Variants in ZNF701 observed in about 807,000 individuals in gnomAD.
The protein encoded by ZNF701 is zinc finger protein 701.
In ZNF701, 6 loss-of-function variants were observed where a neutral mutation model predicts 7.1. The ratio of observed to expected loss-of-function variants is 0.84; its 90% CI spans 0.46 to 1.66. The LOEUF (loss-of-function observed/expected upper bound fraction) is 1.66. Among genes scored for constraint, ZNF701 ranks in the 40% most tolerant of loss-of-function variants. The pLI is 0.01. For synonymous variants in ZNF701, 166 were observed against 188.2 expected (o/e 0.88, Z 0.97); for missense variants, 541 against 559.2 (o/e 0.97, Z 0.33).
intron 3 of ZNF701, 81 bp downstream of exon 3, chr19:52,576,102 A>C: frequency 2.5e-6 from 4 of 1,602,356 alleles, no homozygotes; most frequent in Non-Finnish European, 2.5e-6. Flanking sequence ...TGGGAGCCAC[A>C]TCCTTGCTTG....
the ZNF701 span, chr19:52,597,746 G>A: frequency 0.12 from 26,435 of 219,482 alleles, 1,751 homozygotes; most frequent in Middle Eastern, 0.17. Context: ...GGCCGGGCCA[G>A]AGGGTGATCG....
the ZNF701 span, among the ~76,000 whole-genome samples, chr19:52,598,448 G>A: frequency 1.3e-5 from 2 of 152,076 alleles, no homozygotes; most frequent in Non-Finnish European, 2.9e-5. Flanking sequence ...CAGGGACCTC[G>A]GTAAAGGGGT....
chr19:52,599,762 A>G, the ZNF701 span, among the ~76,000 whole-genome samples: 1 of 152,142 alleles, frequency 6.6e-6, no homozygotes, highest in East Asian at 1.9e-4. Context: ...TTAATCATAT[A>G]TTCTAAATTT....
rs545847001 is a variant in ZNF701 at position 52,574,106 on chromosome 19, G to A, written c.-42G>A. ...GACTTCTAAAGACTTGGTACGTGAGGAAAAAACACGGAAGAGGAAGAGGAA... is the reference window on the plus strand; with the variant it reads ...GACTTCTAAAGACTTGGTACGTGAGAAAAAAACACGGAAGAGGAAGAGGAA... On this transcript the variant is annotated 5_prime_UTR_variant, in exon 2 of 4. Transcript: ENST00000391785. 123 of 1,612,164 alleles carry A rather than the reference G, an allele frequency of 7.6e-5. No individual in the cohort carries two copies. The highest frequency in any genetic ancestry group is 1.7e-4 in the Middle Eastern group (1 of 6,058).
At chr19:52,575,826 T>C in intron 2 of ZNF701, 69 bp from the exon 3 acceptor site, 2 of 1,056,116 alleles carry the variant, frequency 1.9e-6, no homozygotes, top group Non-Finnish European at 2.6e-6. Flanking sequence ...TCCCCTCTCC[T>C]CTTCTCATTT....
rs1203794514 is a variant in ZNF701, at chr19:52,585,084, G to A, written c.*1627G>A. The A allele has an allele frequency of 2.0e-5, 3 of 151,788 alleles. No homozygotes were observed. The highest frequency in any genetic ancestry group is 4.4e-5 in the Non-Finnish European group (3 of 67,878). The allele number at this position is 151,788 out of a possible 1,614,324, so 9.4% of individuals were successfully genotyped here. A position where few individuals can be genotyped will look rare whatever the true frequency, so the allele number is the denominator to read the frequency against. On this transcript the variant is annotated 3_prime_UTR_variant, in exon 4 of 4. Transcript: ENST00000391785. ...CAGAGCAAATTGAGACGTCCGGGTG[G>A]GAGTCCGTGAGTCTTTTCCTTTTGA...
At position 52,574,167 on chromosome 19, in the gene ZNF701, G is replaced by C. The variant is rs1461494940; in HGVS notation, c.15+5G>C. 1.2e-6 allele frequency: 2 copies of C among 1,609,608 alleles called. No homozygotes were observed. The highest frequency in any genetic ancestry group is 1.7e-6 in the Non-Finnish European group (2 of 1,177,300). The stretch of plus-strand genomic sequence containing the variant: ...TCAGGGATGGCTCTTCTTCAGGTGA[G>C]ATGATATTCTCGGGGGATTGTTCTG... On this transcript the variant is annotated splice_donor_5th_base_variant and intron_variant, in intron 2 of 3. Coordinates refer to ENST00000391785, the MANE Select transcript of ZNF701 (RefSeq NM_018260.3).
rs1350061299 is a variant in ZNF701, at chr19:52,583,854, CA to C, written c.*398del. The C allele has an allele frequency of 2.0e-6, 1 of 504,960 alleles. No homozygotes were observed. Among genetic ancestry groups the C allele is most frequent in the Non-Finnish European group, 3.8e-6 (1 of 262,666 alleles). 31.3% of individuals were successfully genotyped at this position (504,960 alleles called of 1,614,324 possible). On this transcript the variant is annotated 3_prime_UTR_variant, in exon 4 of 4. Transcript: ENST00000391785. ...AGCCATTGCAAAACATTGGAGAATC[CA>C]TAATGAAGGAGGTCTTACAAGTGTA... is the stretch of plus-strand genomic sequence containing the variant.
the ZNF701 span, chr19:52,592,211 G>A: frequency 3.2e-6 from 5 of 1,578,172 alleles, no homozygotes; most frequent in South Asian, 5.5e-5. Context: ...GAGAACTACA[G>A]GAACCTGGAG....
At chr19:52,574,543 C>G (rs543490897) in intron 2 of ZNF701, among the ~76,000 whole-genome samples, 27 of 152,200 alleles carry the variant, frequency 1.8e-4, no homozygotes, top group African/African-American at 6.3e-4. Context: ...TTAATGTGCA[C>G]AAAGTACGTG....
chr19:52,587,340 GTCC>G (rs894640788), downstream of ZNF701, among the ~76,000 whole-genome samples: 8 of 152,022 alleles, frequency 5.3e-5, no homozygotes, highest in African/African-American at 1.7e-4. Context: ...TCCTGCCTGT[GTCC>G]TCCTCACTCC....
chr19:52,593,711 A>G, the ZNF701 span, among the ~76,000 whole-genome samples: 1 of 110,124 alleles, frequency 9.1e-6, no homozygotes, highest in African/African-American at 3.6e-5. Flanking sequence ...GGGTCTCCTC[A>G]CTTCTCAGAC....
chr19:52,592,699 C>T, the ZNF701 span, among the ~76,000 whole-genome samples: 8 of 152,260 alleles, frequency 5.3e-5, no homozygotes, highest in African/African-American at 1.9e-4. Context: ...AAGCAATTCA[C>T]ATACCTGAGC....
downstream of ZNF701, chr19:52,588,592 G>T: frequency 5.0e-6 from 2 of 400,494 alleles, no homozygotes; most frequent in South Asian, 2.2e-5. Context: ...AAGAAAAGGA[G>T]CCAGGGACGG....
intron 1 of ZNF701, among the ~76,000 whole-genome samples, chr19:52,571,552 G>GA (rs1188496974): frequency 6.6e-6 from 1 of 152,088 alleles, no homozygotes; most frequent in Non-Finnish European, 1.5e-5. Context: ...TAGAGACGGG[G>GA]TTTCACCATG....
chr19:52,596,141 T>C, the ZNF701 span: 1 of 785,884 alleles, frequency 1.3e-6, no homozygotes, highest in Non-Finnish European at 2.2e-6. Flanking sequence ...TGGCAAAGCC[T>C]TTAATCATAG....
chr19:52,572,452 A>G, intron 1 of ZNF701: 1 of 1,244,008 alleles, frequency 8.0e-7, no homozygotes, highest in Non-Finnish European at 1.0e-6. Context: ...GTTGGGAATC[A>G]GTGGCATCAG....
At position 52,586,787 on chromosome 19, in the gene ZNF701, A is replaced by C. The variant is rs1280497800; in HGVS notation, c.*3330A>C. 2 of 152,122 alleles carry C rather than the reference A, an allele frequency of 1.3e-5. No homozygotes were observed. The highest frequency in any genetic ancestry group is 3.9e-4 in the East Asian group (2 of 5,194). 9.4% of individuals were successfully genotyped at this position (152,122 alleles called of 1,614,324 possible). On this transcript the variant is annotated 3_prime_UTR_variant, in exon 4 of 4. Coordinates refer to ENST00000391785, the MANE Select transcript of ZNF701 (RefSeq NM_018260.3). The stretch of plus-strand genomic sequence containing the variant: ...ACCCCTGAAATGATGGGCACAATGG[A>C]GTGTGTGGCTTTTCCTGTAGGACAG...
At chr19:52,597,541 G>C in the ZNF701 span, 1 of 368,352 alleles carries the variant, frequency 2.7e-6, no homozygotes, top group South Asian at 2.1e-5. Context: ...ACATTAAAGT[G>C]TTTATGTTAA....
Sources: gnomAD v4.1 joint callset for allele counts (sites outside exome capture counted in the v4.1 genomes callset) on GRCh38, gnomAD v4.1.1 for gene constraint, MANE v1.5 for transcripts, NCBI Gene and HGNC (gene_info 2026-07-23, HGNC 2026-07-21) for gene names.